Variants in LVRN observed in about 807,000 individuals in gnomAD.
The protein encoded by LVRN is laeverin, also known as aminopeptidase Q.
Under a neutral mutation model 111.4 loss-of-function variants are expected in LVRN, and 99 were observed. The observed-to-expected ratio is 0.89, with a 90% CI of 0.76 to 1.05. The LOEUF (loss-of-function observed/expected upper bound fraction) is 1.05, where lower values mean the gene tolerates loss of function less well. Ranked by LOEUF, LVRN falls within the 50% of genes least tolerant of loss-of-function variation. The probability of loss-of-function intolerance (pLI) is 0.00; values close to 1 mark genes in which losing one functional copy is unlikely to be tolerated. For synonymous variants in LVRN, 488 were observed against 449.5 expected (o/e 1.09, Z -1.08); for missense variants, 1,414 against 1,206.8 (o/e 1.17, Z -2.54).
intron 6 of LVRN, among the ~76,000 whole-genome samples, chr5:115,998,264 T>G (rs980664880): frequency 1.3e-5 from 2 of 152,222 alleles, no homozygotes; most frequent in Admixed American, 6.5e-5. Context: ...GTGGTTTGAT[T>G]ACCCTGAGAT....
chr5:115,963,586 C>A (rs1753139031), intron 1 of LVRN, among the ~76,000 whole-genome samples: 1 of 152,140 alleles, frequency 6.6e-6, no homozygotes, highest in Admixed American at 6.5e-5. Context: ...AGGTATATCT[C>A]CCAATGCAAA....
At chr5:116,011,015 A>ATCTTTTCTTCTTTGTTTGTTG in intron 14 of LVRN, 121 bp downstream of exon 14, 1 of 302,440 alleles carries the variant, frequency 3.3e-6, no homozygotes. Context: ...ATATATATAT[A>ATCTTTTCTTCTTTGTTTGTTG]TATATATATA....
chr5:115,975,297 A>G, intron 1 of LVRN: 1 of 340,972 alleles, frequency 2.9e-6, no homozygotes. Context: ...TCAGGCTGAC[A>G]AAGTTATTCA....
intron 1 of LVRN, chr5:115,975,349 T>G: frequency 3.8e-6 from 1 of 266,286 alleles, no homozygotes. Flanking sequence ...CAATATGATA[T>G]CAACACCTTT....
At position 115,963,309 on chromosome 5, in the gene LVRN, G is replaced by C; in HGVS notation, c.692G>C (p.Arg231Pro). 5 of 1,603,822 alleles carry C rather than the reference G, an allele frequency of 3.1e-6. No individual in the cohort carries two copies. The highest frequency in any genetic ancestry group is 4.3e-6 in the Non-Finnish European group (5 of 1,175,276). ...AACGTCTACACCGACCAGGGCGAGC[G>C]CAGGTAAGGGCTGTACAGCCCGGGG... ...FLNVYTDQGERRALLASQLEP... is the reference protein window; with the variant it reads ...FLNVYTDQGEPRALLASQLEP... The change falls in exon 1 of 20, where the codon CGC (arginine) becomes CCC (proline). Residue 231 changes from arginine (R) to proline (P), a missense_variant. Arg to Pro is a moderately radical substitution (Grantham distance 103). Transcript: ENST00000357872.
At chr5:116,009,742 T>C (rs1413772225) in intron 13 of LVRN, among the ~76,000 whole-genome samples, 1 of 152,182 alleles carries the variant, frequency 6.6e-6, no homozygotes, top group Admixed American at 6.5e-5. Context: ...ATTGCTGCAA[T>C]CTCATGATCA....
intron 4 of LVRN, 142 bp from the exon 5 acceptor site, chr5:115,991,980 CT>C: frequency 1.4e-6 from 1 of 700,118 alleles, no homozygotes; most frequent in South Asian, 2.4e-5. Context: ...TGGCATTAGT[CT>C]TTAAAAAGCC....
chr5:115,978,041 C>T (rs935985974), intron 1 of LVRN, among the ~76,000 whole-genome samples: 1 of 152,150 alleles, frequency 6.6e-6, no homozygotes, highest in African/African-American at 2.4e-5. Context: ...TGATTAAAAT[C>T]AATGAATTTG....
At chr5:115,976,584 AC>A (rs1446240683) in intron 1 of LVRN, among the ~76,000 whole-genome samples, 15 of 152,178 alleles carry the variant, frequency 9.9e-5, no homozygotes, top group African/African-American at 3.4e-4. Flanking sequence ...TAAATTTCCC[AC>A]TAACTATTGC....
rs533906833 is a variant in LVRN, at chr5:116,015,421, T to G, written c.2618+2T>G. The G allele has an allele frequency of 6.6e-7, 1 of 1,525,370 alleles. No individual in the cohort carries two copies. Among genetic ancestry groups the G allele is most frequent in the East Asian group, 2.3e-5 (1 of 43,618 alleles). The allele number at this position is 1,525,370 out of a possible 1,614,324, so 94.5% of individuals were successfully genotyped here. On this transcript the variant is annotated splice_donor_variant, in intron 17 of 19. Coordinates refer to ENST00000357872, the MANE Select transcript of LVRN (RefSeq NM_173800.5). LOFTEE classifies it high-confidence loss of function. ...CAAAGACCCATGGATACTTAACAGGTGATTATGGTCAACTTACCTTGAAAG... is the reference window on the plus strand; with the variant it reads ...CAAAGACCCATGGATACTTAACAGGGGATTATGGTCAACTTACCTTGAAAG...
At chr5:116,003,219 T>C in intron 11 of LVRN, 22 bp from the exon 12 acceptor site, 1 of 1,549,814 alleles carries the variant, frequency 6.5e-7, no homozygotes, top group Non-Finnish European at 8.7e-7. Flanking sequence ...CCATTTCAAA[T>C]TATTCCCATA....
At chr5:116,024,350 A>G (rs1054821953) in intron 19 of LVRN, among the ~76,000 whole-genome samples, 4 of 152,158 alleles carry the variant, frequency 2.6e-5, no homozygotes, top group African/African-American at 9.7e-5. Context: ...AAACAAATAC[A>G]TATGTGGGTC....
At chr5:115,986,406 C>A (rs1747864787) in intron 3 of LVRN, among the ~76,000 whole-genome samples, 1 of 152,200 alleles carries the variant, frequency 6.6e-6, no homozygotes, top group Non-Finnish European at 1.5e-5. Context: ...GCACAGTCAA[C>A]CATTCTTGTA....
chr5:116,003,023 C>G (rs1382819202), intron 11 of LVRN, 112 bp downstream of exon 11: 4 of 1,021,864 alleles, frequency 3.9e-6, no homozygotes, highest in Non-Finnish European at 5.7e-6. Flanking sequence ...ACTAAAATAT[C>G]ATTCTTGTAG....
chr5:116,004,390 G>T (rs1748312606), intron 12 of LVRN, among the ~76,000 whole-genome samples: 4 of 152,142 alleles, frequency 2.6e-5, no homozygotes, highest in Admixed American at 2.6e-4. Flanking sequence ...GTGAGCCCGT[G>T]GGTGGTTCAT....
chr5:115,975,296 C>A (rs899685752), intron 1 of LVRN: 3 of 339,902 alleles, frequency 8.8e-6, no homozygotes, highest in Admixed American at 3.4e-5. Flanking sequence ...CTCAGGCTGA[C>A]AAAGTTATTC....
At chr5:115,969,317 A>G (rs1753271508) in intron 1 of LVRN, among the ~76,000 whole-genome samples, 1 of 151,968 alleles carries the variant, frequency 6.6e-6, no homozygotes, top group Non-Finnish European at 1.5e-5. Flanking sequence ...TGGGACTCCA[A>G]TTACCTATTA....
chr5:116,016,825 A>G (rs940712120), intron 18 of LVRN, among the ~76,000 whole-genome samples: 2 of 151,986 alleles, frequency 1.3e-5, no homozygotes, highest in Non-Finnish European at 2.9e-5. Context: ...GATGGGAGAA[A>G]CAAAATTTTC....
chr5:116,000,067 A>G (rs1353984195), intron 7 of LVRN, among the ~76,000 whole-genome samples, 165 bp downstream of exon 7: 2 of 152,164 alleles, frequency 1.3e-5, no homozygotes, highest in Non-Finnish European at 2.9e-5. Flanking sequence ...ATTAATTCTC[A>G]CCTTGCAAAT....
Sources: gnomAD v4.1 joint callset for allele counts (sites outside exome capture counted in the v4.1 genomes callset) on GRCh38, gnomAD v4.1.1 for gene constraint, MANE v1.5 for transcripts, NCBI Gene and HGNC (gene_info 2026-07-23, HGNC 2026-07-21) for gene names.